Variants in RRAGB observed in about 807,000 individuals in gnomAD.
RRAGB encodes the protein ras-related GTP-binding protein B.
RRAGB carries 6 observed loss-of-function variants against 29.3 expected under a neutral mutation model. That is an observed-to-expected ratio of 0.21 (90% CI 0.11 to 0.40). RRAGB has a LOEUF of 0.40. Ranked by LOEUF, RRAGB falls within the 10% of genes least tolerant of loss-of-function variation. The pLI is 1.00. For synonymous variants in RRAGB, 101 were observed against 92.5 expected, an observed-to-expected ratio of 1.09 and a Z score of -0.53; for missense variants, 184 against 272.9, an observed-to-expected ratio of 0.67 and a Z score of 2.29.
At chrX:55,756,728 GA>G (rs1322208256) in intron 8 of RRAGB, among the ~76,000 whole-genome samples, 1 of 112,339 alleles carries the variant, frequency 8.9e-6, no homozygotes. Context: ...AAATATTGAA[GA>G]AGTCTTCTGA....
chrX:55,734,328 T>G (rs1210213853), intron 5 of RRAGB, among the ~76,000 whole-genome samples: 3 of 109,523 alleles, frequency 2.7e-5, no homozygotes, highest in African/African-American at 1.0e-4. Context: ...TCAGGATTTC[T>G]ATTTCTTTTC....
intron 5 of RRAGB, among the ~76,000 whole-genome samples, 165 bp from the exon 6 acceptor site, chrX:55,750,936 A>G (rs1379374368): frequency 1.8e-5 from 2 of 112,006 alleles, no homozygotes; most frequent in African/African-American, 6.5e-5. Context: ...TTTAGACCTG[A>G]CCAGAAACAG....
chrX:55,750,048 TAAAAA>T (rs774847577), intron 5 of RRAGB, among the ~76,000 whole-genome samples: 4 of 16,764 alleles, frequency 2.4e-4, no homozygotes, highest in Non-Finnish European at 4.2e-4. Context: ...AATGATCAAT[TAAAAA>T]AAAAAAAAAA....
At chrX:55,744,656 A>G (rs944079256) in intron 5 of RRAGB, among the ~76,000 whole-genome samples, 1 of 111,838 alleles carries the variant, frequency 8.9e-6, no homozygotes, top group African/African-American at 3.2e-5. Flanking sequence ...ACTGTTTCCC[A>G]AAAGGGGTAT....
At chrX:55,730,236 C>G (rs749387775) in intron 4 of RRAGB, among the ~76,000 whole-genome samples, 102 of 112,250 alleles carry the variant, frequency 9.1e-4, no homozygotes, top group Non-Finnish European at 1.1e-3. Flanking sequence ...AATGCAATAG[C>G]TAAATACTCT....
At chrX:55,758,190 C>G (rs1001616078) in intron 9 of RRAGB, 56 bp from the exon 10 acceptor site, 1 of 817,627 alleles carries the variant, frequency 1.2e-6, no homozygotes, top group Non-Finnish European at 1.8e-6. Flanking sequence ...ACTAGTCAGA[C>G]ATTCCTTTGG....
intron 8 of RRAGB, among the ~76,000 whole-genome samples, chrX:55,756,843 C>T (rs2034668264): frequency 9.0e-6 from 1 of 111,524 alleles, no homozygotes; most frequent in Non-Finnish European, 1.9e-5. Context: ...GTAGTCCCAG[C>T]TACTTGGGAG....
chrX:55,749,197 GC>G (rs2034413417), intron 5 of RRAGB, among the ~76,000 whole-genome samples: 1 of 83,700 alleles, frequency 1.2e-5, no homozygotes, highest in African/African-American at 4.5e-5. Context: ...GGGGGGGTCA[GC>G]CCCCCGCCTG....
intron 5 of RRAGB, among the ~76,000 whole-genome samples, chrX:55,737,678 C>A (rs942179401): frequency 8.9e-6 from 1 of 112,652 alleles, no homozygotes; most frequent in South Asian, 3.6e-4. Context: ...CTCCCTGTTC[C>A]CATAGGTGTG....
intron 5 of RRAGB, among the ~76,000 whole-genome samples, chrX:55,743,923 G>C (rs936552423): frequency 1.8e-5 from 2 of 111,848 alleles, no homozygotes; most frequent in Non-Finnish European, 3.8e-5. Flanking sequence ...CTTTCTTTCT[G>C]TAAAGAAAGT....
chrX:55,754,509 C>A (rs1417576559), intron 7 of RRAGB, among the ~76,000 whole-genome samples: 1 of 112,332 alleles, frequency 8.9e-6, no homozygotes, highest in African/African-American at 3.2e-5. Flanking sequence ...TTTCTGAGCC[C>A]TGCCAATGCT....
At chrX:55,729,513 T>A (rs1410469870) in intron 4 of RRAGB, among the ~76,000 whole-genome samples, 153 bp downstream of exon 4, 4 of 111,390 alleles carry the variant, frequency 3.6e-5, no homozygotes, top group African/African-American at 1.3e-4. Context: ...TAAACATCTC[T>A]GACTTTTATG....
At chrX:55,757,552 G>A (rs1414714849) in intron 9 of RRAGB, among the ~76,000 whole-genome samples, 1 of 112,040 alleles carries the variant, frequency 8.9e-6, no homozygotes, top group African/African-American at 3.2e-5. Context: ...AAGTATTTTA[G>A]TACTAGTGGT....
intron 4 of RRAGB, among the ~76,000 whole-genome samples, chrX:55,729,767 C>T (rs2033610777): frequency 8.9e-6 from 1 of 112,313 alleles, no homozygotes; most frequent in African/African-American, 3.2e-5. Flanking sequence ...ACACTGAGCA[C>T]ACATTCTCTA....
In RRAGB at chrX:55,758,233, C is replaced by T. The variant is rs746474919; in HGVS notation, c.944-13C>T. On this transcript the variant is annotated splice_polypyrimidine_tract_variant and intron_variant, in intron 9 of 9. Coordinates refer to ENST00000374941, the MANE Select transcript of RRAGB (RefSeq NM_006064.5). ...TACTTAATTCTGTTGGGTGTTTCCG[C>T]CCCCGCCCTCAGCTTCTGCAGCTAC... 1.2e-5 allele frequency: 14 copies of T among 1,171,958 alleles called. No individual in the cohort carries two copies. The highest frequency in any genetic ancestry group is 3.5e-5 in the African/African-American group (2 of 56,348).
intron 2 of RRAGB, among the ~76,000 whole-genome samples, chrX:55,720,760 G>C (rs906979128): frequency 9.0e-6 from 1 of 110,780 alleles, no homozygotes; most frequent in Admixed American, 9.5e-5. Flanking sequence ...CTGAGGTGGG[G>C]GGCTCAGGTG....
chrX:55,756,001 A>T, intron 8 of RRAGB, 69 bp downstream of exon 8: 3 of 740,190 alleles, frequency 4.1e-6, no homozygotes, highest in Non-Finnish European at 6.2e-6. Flanking sequence ...AGAAGTTCAA[A>T]TAACTATAGT....
chrX:55,718,989 G>T (rs183394256), intron 1 of RRAGB, among the ~76,000 whole-genome samples: 10 of 112,031 alleles, frequency 8.9e-5, no homozygotes, highest in Non-Finnish European at 1.7e-4. Context: ...AGAAATAGAA[G>T]ATATTGTTTG....
intron 2 of RRAGB, among the ~76,000 whole-genome samples, chrX:55,721,940 G>A (rs1342097127): frequency 2.7e-5 from 3 of 112,603 alleles, no homozygotes; most frequent in African/African-American, 6.4e-5. Flanking sequence ...CATAAATTCA[G>A]TGTAATTCTG....
Sources: allele counts gnomAD v4.1 joint callset (sites outside exome capture counted in the v4.1 genomes callset), GRCh38; gene constraint gnomAD v4.1.1; transcripts MANE v1.5; gene names NCBI Gene and HGNC (gene_info 2026-07-23, HGNC 2026-07-21).